Variants in CSNK1G2 observed in about 807,000 individuals in gnomAD.
CSNK1G2 encodes the protein casein kinase I isoform gamma-2.
A neutral mutation model predicts 48.0 loss-of-function variants in CSNK1G2; 11 were observed. The ratio of observed to expected loss-of-function variants is 0.23; its 90% CI spans 0.14 to 0.38. The LOEUF is 0.38. Ranked by LOEUF, CSNK1G2 falls within the 10% of genes least tolerant of loss-of-function variation. CSNK1G2 has a pLI of 1.00. For missense variants in CSNK1G2, 446 were observed against 595.5 expected, an observed-to-expected ratio of 0.75 and a Z score of 2.61; for synonymous variants, 337 against 254.1, an observed-to-expected ratio of 1.33 and a Z score of -3.10.
At chr19:1,951,154 C>T (rs1299044132) in intron 1 of CSNK1G2, among the ~76,000 whole-genome samples, 1 of 145,856 alleles carries the variant, frequency 6.9e-6, no homozygotes, top group Non-Finnish European at 1.5e-5. Context: ...GTAATCCCAG[C>T]ACTTTGGGAG....
At position 1,969,520 on chromosome 19, in the gene CSNK1G2, A is replaced by C; in HGVS notation, c.-253A>C. 1 of 323,576 alleles carries C rather than the reference A, an allele frequency of 3.1e-6. No individual in the cohort carries two copies. Among genetic ancestry groups the C allele is most frequent in the Non-Finnish European group, 5.6e-6 (1 of 178,748 alleles). 20.0% of individuals were successfully genotyped at this position (323,576 alleles called of 1,614,324 possible). ...TGTTTCTCTGCAGCTGTGAGCCGTG[A>C]GCTTTGAGGCGGTGGGATGTGTCAG... On this transcript the variant is annotated 5_prime_UTR_variant, in exon 2 of 12. An upstream open reading frame in the 5' UTR loses its in-frame stop. Coordinates refer to ENST00000255641, the MANE Select transcript of CSNK1G2 (RefSeq NM_001319.7).
At position 1,943,881 on chromosome 19, in the gene CSNK1G2, C is replaced by T. The variant is rs1210304775; in HGVS notation, c.-266+2463C>T. On this transcript the variant is annotated intron_variant, in intron 1 of 11. Transcript: ENST00000255641. ...CGTCAAGGCCTTGACCGAGGCCTGG[C>T]GGAGGGCGGGTGGTGGATGGAGGCA... is the stretch of plus-strand genomic sequence containing the variant. Among the ~76,000 whole-genome samples the T allele has an allele frequency of 5.9e-5, 9 of 152,312 alleles. No individual in the cohort carries two copies. The South Asian group carries it at 8.3e-4, about 14-fold the overall frequency.
At chr19:1,948,087 C>CT (rs2014628313) in intron 1 of CSNK1G2, among the ~76,000 whole-genome samples, 1 of 152,170 alleles carries the variant, frequency 6.6e-6, no homozygotes, top group South Asian at 2.1e-4. Context: ...GGAGGTGTGG[C>CT]TTCGGGGGGC....
At chr19:1,972,806 T>C (rs1185702687) in intron 2 of CSNK1G2, among the ~76,000 whole-genome samples, 1 of 151,808 alleles carries the variant, frequency 6.6e-6, no homozygotes, top group Non-Finnish European at 1.5e-5. Context: ...ATATTTTTAG[T>C]AGAGATGGGG....
rs953617395 is a variant in CSNK1G2 at position 1,942,106 on chromosome 19, C to T, written c.-266+688C>T. 9.9e-5 allele frequency among the ~76,000 whole-genome samples: 15 copies of T among 152,164 alleles called. No homozygotes were observed. In the East Asian group the frequency reaches 2.1e-3, roughly 22 times the overall value. ...TCTGATCCGCAGGGACCTGTTGCGG[C>T]ACTGCCTGGGAACTCCCGGCTGGGC... On this transcript the variant is annotated intron_variant, in intron 1 of 11. Coordinates refer to ENST00000255641, the MANE Select transcript of CSNK1G2 (RefSeq NM_001319.7).
chr19:1,979,100 T>G lies in CSNK1G2; in HGVS notation c.682+7T>G, dbSNP rs2015871936. 2 of 1,584,836 alleles carry G rather than the reference T, an allele frequency of 1.3e-6. No homozygotes were observed. Among genetic ancestry groups the G allele is most frequent in the Non-Finnish European group, 1.7e-6 (2 of 1,171,410 alleles). On this transcript the variant is annotated splice_region_variant and intron_variant, in intron 6 of 11. Transcript: ENST00000255641. ...AACACGCACCTGGGCAAGGGTGAGC[T>G]GCGCGCGCGCGGCGGGGGGCGGGCG...
rs115128960 is a variant in CSNK1G2 at position 1,958,141 on chromosome 19, A to T, written c.-265-11367A>T. On this transcript the variant is annotated intron_variant, in intron 1 of 11. Coordinates refer to ENST00000255641, the MANE Select transcript of CSNK1G2 (RefSeq NM_001319.7). ...GGCGTTGGAAGCACAGCGCAGCCTC[A>T]TGGGGCACCTGCCTGCTCTGCCTGG... Among the ~76,000 whole-genome samples, 459 of 151,932 alleles carry T rather than the reference A, an allele frequency of 3.0e-3. 2 individuals carry two copies. Among genetic ancestry groups the T allele is most frequent in the African/African-American group, 0.01 (421 of 41,404 alleles).
chr19:1,961,290 G>GC (rs1345712606), intron 1 of CSNK1G2, among the ~76,000 whole-genome samples: 1 of 152,238 alleles, frequency 6.6e-6, no homozygotes, highest in African/African-American at 2.4e-5. Flanking sequence ...CCTGGCCGTG[G>GC]CGGGTGGAGG....
chr19:1,953,351 G>C (rs373493757), intron 1 of CSNK1G2: 1 of 532,306 alleles, frequency 1.9e-6, no homozygotes, highest in Non-Finnish European at 3.9e-6. Context: ...GTGGGGGCCT[G>C]TGCGCCATGG....
chr19:1,971,683 G>C (rs1461215349), intron 2 of CSNK1G2, among the ~76,000 whole-genome samples: 1 of 152,156 alleles, frequency 6.6e-6, no homozygotes, highest in Non-Finnish European at 1.5e-5. Flanking sequence ...TGGCTATGTG[G>C]GTCCTGTCCT....
At chr19:1,953,971 C>T (rs907042615) in intron 1 of CSNK1G2, 3 of 533,998 alleles carry the variant, frequency 5.6e-6, no homozygotes, top group Non-Finnish European at 1.2e-5. Context: ...ACGGGGCCTT[C>T]TCGTGGTGAT....
chr19:1,972,186 T>TC, intron 2 of CSNK1G2, among the ~76,000 whole-genome samples: 1 of 152,332 alleles, frequency 6.6e-6, no homozygotes, highest in East Asian at 1.9e-4. Context: ...CGGGAGGCCG[T>TC]CCATCGGAGG....
In CSNK1G2 at chr19:1,969,856, C is replaced by T. The variant is rs752976853; in HGVS notation, c.84C>T (p.His28=). ...AGGCCGGCGGGGGCCGGAGCAGCCA[C>T]GGCATCCGGAGCTCGGGGACCAGCT... ...MSKAGGGRSS[H]GIRSSGTSSG... Residue 28 remains histidine (H), a synonymous_variant, in exon 2 of 12, where the codon CAC becomes CAT. Coordinates refer to ENST00000255641, the MANE Select transcript of CSNK1G2 (RefSeq NM_001319.7). 45 of 1,311,474 alleles carry T rather than the reference C, an allele frequency of 3.4e-5. No homozygotes were observed. In the East Asian group the frequency reaches 8.7e-4, roughly 25 times the overall value. 81.2% of individuals were successfully genotyped at this position (1,311,474 alleles called of 1,614,324 possible).
intron 1 of CSNK1G2, among the ~76,000 whole-genome samples, chr19:1,945,455 G>A (rs761791848): frequency 4.6e-5 from 7 of 152,230 alleles, no homozygotes; most frequent in South Asian, 2.1e-4. Context: ...ACCCTCAGGC[G>A]TGCTCCTGGG....
chr19:1,956,497 A>G (rs754843507), intron 1 of CSNK1G2, among the ~76,000 whole-genome samples: 22 of 152,158 alleles, frequency 1.4e-4, no homozygotes, highest in Non-Finnish European at 1.6e-4. Context: ...AGCCTGGGTG[A>G]TGGAGCTAGA....
At chr19:1,961,056 C>G (rs779387827) in intron 1 of CSNK1G2, among the ~76,000 whole-genome samples, 6 of 152,196 alleles carry the variant, frequency 3.9e-5, no homozygotes, top group Non-Finnish European at 7.3e-5. Context: ...GGTTTCCTCT[C>G]CTGTGGATGC....
intron 1 of CSNK1G2, among the ~76,000 whole-genome samples, chr19:1,961,007 G>T (rs3944087): frequency 0.048 from 7,382 of 152,348 alleles, 249 homozygotes; most frequent in Non-Finnish European, 0.072. Context: ...GTGGGCCGGT[G>T]TGCGGCGGGG....
intron 1 of CSNK1G2, among the ~76,000 whole-genome samples, chr19:1,962,631 C>T (rs1388324032): frequency 6.6e-6 from 1 of 152,156 alleles, no homozygotes; most frequent in African/African-American, 2.4e-5. Flanking sequence ...CCATTGTGCT[C>T]CAGCCTGGGC....
At chr19:1,973,524 G>A (rs913596453) in intron 2 of CSNK1G2, among the ~76,000 whole-genome samples, 1 of 152,198 alleles carries the variant, frequency 6.6e-6, no homozygotes, top group Non-Finnish European at 1.5e-5. Context: ...TCTCATTCCT[G>A]GGTTCTGGTT....
Sources: allele counts gnomAD v4.1 joint callset (sites outside exome capture counted in the v4.1 genomes callset), GRCh38; gene constraint gnomAD v4.1.1; transcripts MANE v1.5; gene names NCBI Gene and HGNC (gene_info 2026-07-23, HGNC 2026-07-21).